The following PLCB2 variants were observed in gnomAD, a reference collection of about 807,000 sequenced individuals.
PLCB2 encodes the protein phospholipase C beta 2.
A neutral mutation model predicts 141.7 loss-of-function variants in PLCB2; 115 were observed. The ratio of observed to expected loss-of-function variants is 0.81; its 90% CI spans 0.70 to 0.95. The LOEUF (loss-of-function observed/expected upper bound fraction) is 0.95, where lower values mean the gene tolerates loss of function less well. PLCB2 is among the 40% of genes least tolerant of loss of function. PLCB2 has a pLI of 0.00. For missense variants in PLCB2, 1,403 were observed against 1,541.1 expected, an observed-to-expected ratio of 0.91 and a Z score of 1.50; for synonymous variants, 603 against 595.6, an observed-to-expected ratio of 1.01 and a Z score of -0.18.
chr15:40,289,847 C>T (rs1363982959), intron 30 of PLCB2, among the ~76,000 whole-genome samples, 178 bp downstream of exon 30: 2 of 152,178 alleles, frequency 1.3e-5, no homozygotes, highest in Admixed American at 1.3e-4. Context: ...TCCCCTGCCA[C>T]CCCAGCTGCA....
At chr15:40,306,740 C>A (rs1123487) in intron 1 of PLCB2, among the ~76,000 whole-genome samples, 6 of 152,078 alleles carry the variant, frequency 3.9e-5, no homozygotes, top group African/African-American at 7.2e-5. Context: ...TTCCCTCCCC[C>A]ACCAAGCCTT....
Position 40,292,944 on chromosome 15 carries a change from TG to T in PLCB2, c.2307del (p.Ile770SerfsTer4). 1.2e-6 allele frequency: 2 copies of T among 1,604,982 alleles called. No individual in the cohort carries two copies. The highest frequency in any genetic ancestry group is 1.7e-6 in the Non-Finnish European group (2 of 1,174,512). ...TCCTTACCAGAATTTAGGGCATTGA[TG>T]GGGATGATGCGGTGTCCAAGAAACT... ...GNKFLGHRII[P>X]INALNSGYHH... On this transcript the variant is annotated frameshift_variant, in exon 21 of 32. Transcript: ENST00000260402. LOFTEE classifies it high-confidence loss of function.
intron 1 of PLCB2, among the ~76,000 whole-genome samples, chr15:40,304,935 G>A (rs925314897): frequency 2.6e-5 from 4 of 152,190 alleles, no homozygotes; most frequent in African/African-American, 9.7e-5. Flanking sequence ...CACAATAGTT[G>A]CCGTATACTA....
chr15:40,293,609 G>A lies in PLCB2; in HGVS notation c.2177C>T (p.Thr726Ile). Reference sequence around the variant, plus strand: ...CTTCCAGACAGGATTGATGGAGTTAGTACTGGGTGACAGCTTAGTTCGATA... The same window carrying A: ...CTTCCAGACAGGATTGATGGAGTTAATACTGGGTGACAGCTTAGTTCGATA... ...RRYRTKLSPS[T>I]NSINPVWKEE... Residue 726 changes from threonine (T) to isoleucine (I), a missense_variant, in exon 20 of 32, where the codon ACT becomes ATT. By Grantham distance (89) the Thr-to-Ile change is moderately conservative. This residue lies in a region of PLCB2 where 975 missense variants were observed against 1,141.1 expected (regional missense o/e 0.85). Transcript: ENST00000260402. 5 of 1,614,154 alleles carry A rather than the reference G, an allele frequency of 3.1e-6. No homozygotes were observed. The highest frequency in any genetic ancestry group is 4.2e-6 in the Non-Finnish European group (5 of 1,180,002).
Position 40,303,988 on chromosome 15 carries a change from A to C in PLCB2, c.162+13T>G. 1 of 1,553,516 alleles carries C rather than the reference A, an allele frequency of 6.4e-7. No individual in the cohort carries two copies. Among genetic ancestry groups the C allele is most frequent in the Non-Finnish European group, 8.8e-7 (1 of 1,140,168 alleles). On this transcript the variant is annotated intron_variant, in intron 2 of 31. Transcript: ENST00000260402. ...CAGGAGTCCAGGGCCATGGCACACAAGGGTTTTCTCACCTTACTTTGATAC... is the reference window on the plus strand; with the variant it reads ...CAGGAGTCCAGGGCCATGGCACACACGGGTTTTCTCACCTTACTTTGATAC...
chr15:40,285,775 C>G, downstream of PLCB2: 3 of 985,454 alleles, frequency 3.0e-6, no homozygotes, highest in Non-Finnish European at 2.4e-6. Context: ...TGTGGCCCAC[C>G]AGCCTGACAA....
Position 40,297,528 on chromosome 15 carries a change from T to A in PLCB2, c.1316A>T (p.Lys439Met). Reference protein sequence around the residue: ...GDMLLTEPLEKFPLKPGVPLP... With the variant: ...GDMLLTEPLEMFPLKPGVPLP... ...ACAGCGAAGCCCACTCACTGGGAAC[T>A]TTTCCAGGGGCTCTGTGAGCAGCAT... is the stretch of plus-strand genomic sequence containing the variant. The change falls in exon 13 of 32, where the codon AAG becomes ATG. Residue 439 changes from lysine (K) to methionine (M), a missense_variant. This residue lies in a region of PLCB2 where 975 missense variants were observed against 1,141.1 expected (regional missense o/e 0.85). Coordinates refer to ENST00000260402, the MANE Select transcript of PLCB2 (RefSeq NM_004573.3). This position sits in a 1 kb window ranked among gnomAD's most constrained non-coding sequence, Gnocchi z 4.2. 1 of 1,613,570 alleles carries A rather than the reference T, an allele frequency of 6.2e-7. No homozygotes were observed. The highest frequency in any genetic ancestry group is 8.5e-7 in the Non-Finnish European group (1 of 1,179,510).
chr15:40,290,466 G>A, intron 29 of PLCB2, 111 bp downstream of exon 29: 1 of 823,594 alleles, frequency 1.2e-6, no homozygotes. Context: ...TTTTTGGAGA[G>A]CCAGGGGACA....
Position 40,298,209 on chromosome 15 carries a change from G to A in PLCB2, c.1155+14C>T, listed in dbSNP as rs1388050992. ...TACTGCCACGGCCACCAGCCTCTGTGCCCAGGGTCTCACTTTGAAGAAGAT... is the reference window on the plus strand; with the variant it reads ...TACTGCCACGGCCACCAGCCTCTGTACCCAGGGTCTCACTTTGAAGAAGAT... On this transcript the variant is annotated intron_variant, in intron 11 of 31. Coordinates refer to ENST00000260402, the MANE Select transcript of PLCB2 (RefSeq NM_004573.3). 1 of 1,543,214 alleles carries A rather than the reference G, an allele frequency of 6.5e-7. No individual in the cohort carries two copies. The highest frequency in any genetic ancestry group is 8.8e-7 in the Non-Finnish European group (1 of 1,142,604).
chr15:40,294,350 C>T lies in PLCB2; in HGVS notation c.1977G>A (p.Glu659=). Residue 659 remains glutamate, a synonymous_variant, in exon 19 of 32, where the codon GAG becomes GAA. Transcript: ENST00000260402. ...NGQSGYLLKH[E]FMRRPDKQFN... ...ACTGCTTGTCCGGCCGGCGCATGAA[C>T]TCATGCTTGAGGAGGTAGCCGCTCT... is the stretch of plus-strand genomic sequence containing the variant. 1 of 1,614,192 alleles carries T rather than the reference C, an allele frequency of 6.2e-7. No individual in the cohort carries two copies. Among genetic ancestry groups the T allele is most frequent in the Non-Finnish European group, 8.5e-7 (1 of 1,179,998 alleles).
downstream of PLCB2, among the ~76,000 whole-genome samples, chr15:40,285,101 G>A (rs551138014): frequency 6.6e-6 from 1 of 152,304 alleles, no homozygotes; most frequent in East Asian, 1.9e-4. Context: ...TGAACCCCTT[G>A]CCTCTCTCCA....
intron 1 of PLCB2, among the ~76,000 whole-genome samples, chr15:40,306,883 T>A (rs2040822734): frequency 6.6e-6 from 1 of 152,346 alleles, no homozygotes; most frequent in African/African-American, 2.4e-5. Flanking sequence ...AGGTAACATT[T>A]TCAGGGGCCA....
chr15:40,301,898 G>T, intron 7 of PLCB2, 59 bp downstream of exon 7: 2 of 1,500,654 alleles, frequency 1.3e-6, no homozygotes, highest in Non-Finnish European at 1.9e-6. Context: ...TCCTGGCCAA[G>T]TTGCTTTCTG....
chr15:40,284,641 A>G, downstream of PLCB2: 1 of 447,198 alleles, frequency 2.2e-6, no homozygotes, highest in South Asian at 1.6e-5. Context: ...AGGGATCGAG[A>G]CCATCCTGGC....
At chr15:40,303,664 T>C (rs1304518661) in intron 2 of PLCB2, among the ~76,000 whole-genome samples, 2 of 152,160 alleles carry the variant, frequency 1.3e-5, no homozygotes, top group Non-Finnish European at 1.5e-5. Context: ...CCCGTCCTCC[T>C]GCCCAGAGGC....
At chr15:40,285,485 ATTTTG>A (rs1038297575), downstream of PLCB2, 10 of 966,792 alleles carry the variant, frequency 1.0e-5, no homozygotes, top group Non-Finnish European at 1.1e-5. Flanking sequence ...CATTTTTTTT[ATTTTG>A]TTTTGTTTTG....
chr15:40,299,690 C>T (rs2040413317), intron 7 of PLCB2, among the ~76,000 whole-genome samples: 2 of 151,834 alleles, frequency 1.3e-5, no homozygotes, highest in Non-Finnish European at 2.9e-5. Flanking sequence ...TTGGAGACAC[C>T]AAAAGCACCG....
intron 9 of PLCB2, 28 bp downstream of exon 9, chr15:40,298,770 G>A: frequency 1.2e-6 from 2 of 1,610,476 alleles, no homozygotes; most frequent in Non-Finnish European, 1.7e-6. Flanking sequence ...CAGGACCACA[G>A]GGGACAAGGG....
Position 40,288,685 on chromosome 15 carries a change from C to G in PLCB2, c.*30G>C, listed in dbSNP as rs1225649508. ...CATCCCAGAGAAGGGGCTGAACCTC[C>G]TTGCTAAATGTCCCAGTGGGATGGG... On this transcript the variant is annotated 3_prime_UTR_variant, in exon 32 of 32. Coordinates refer to ENST00000260402, the MANE Select transcript of PLCB2 (RefSeq NM_004573.3). 1 of 1,542,792 alleles carries G rather than the reference C, an allele frequency of 6.5e-7. No homozygotes were observed. Among genetic ancestry groups the G allele is most frequent in the Admixed American group, 1.9e-5 (1 of 51,716 alleles).
Sources: allele counts gnomAD v4.1 joint callset (sites outside exome capture counted in the v4.1 genomes callset), GRCh38; gene constraint gnomAD v4.1.1; regional missense constraint gnomAD v4.1.1; non-coding constraint Gnocchi (gnomAD v3.1); transcripts MANE v1.5; gene names NCBI Gene and HGNC (gene_info 2026-07-23, HGNC 2026-07-21).